Variants in ATP12A observed in about 807,000 individuals in gnomAD.
ATP12A encodes potassium-transporting ATPase alpha chain 2.
ATP12A carries 81 observed loss-of-function variants against 111.2 expected under a neutral mutation model. The observed-to-expected ratio is 0.73, with a 90% CI of 0.61 to 0.88. The LOEUF (loss-of-function observed/expected upper bound fraction) is 0.88, where lower values mean the gene tolerates loss of function less well. ATP12A is among the 40% of genes least tolerant of loss of function. The pLI is 0.00. For missense variants in ATP12A, 1,196 were observed against 1,313.1 expected (o/e 0.91, Z 1.38); for synonymous variants, 498 against 499.8 (o/e 1.00, Z 0.05).
At position 24,689,319 on chromosome 13, in the gene ATP12A, T is replaced by A; in HGVS notation, c.490T>A (p.Tyr164Asn). The A allele has an allele frequency of 6.2e-7, 1 of 1,614,098 alleles. No homozygotes were observed. Among genetic ancestry groups the A allele is most frequent in the Non-Finnish European group, 8.5e-7 (1 of 1,179,992 alleles). Residue 164 changes from tyrosine to asparagine, a missense_variant, in exon 5 of 23, where the codon TAC (tyrosine) becomes AAC (asparagine). By Grantham distance (143) the Tyr-to-Asn change is moderately radical. Transcript: ENST00000381946. ...CATTTTAACGGGGATCTTTGCTTAT[T>A]ACCAAGAGGCAAAAAGCACCAACAT... ...VVILTGIFAY[Y>N]QEAKSTNIMS...
At chr13:24,692,991 T>A in intron 10 of ATP12A, 95 bp downstream of exon 10, 1 of 1,218,012 alleles carries the variant, frequency 8.2e-7, no homozygotes, top group Non-Finnish European at 1.2e-6. Context: ...CTCCAGTTGC[T>A]TAAAGTTTGT....
At chr13:24,701,001 G>A in intron 13 of ATP12A, 79 bp downstream of exon 13, 5 of 1,505,846 alleles carry the variant, frequency 3.3e-6, no homozygotes, top group Non-Finnish European at 4.5e-6. Context: ...ATAGCAGATG[G>A]TCAGTATTTA....
intron 10 of ATP12A, 118 bp from the exon 11 acceptor site, chr13:24,694,326 A>G (rs1875038613): frequency 1.5e-6 from 2 of 1,320,848 alleles, no homozygotes; most frequent in East Asian, 4.6e-5. Flanking sequence ...TGATCACGTG[A>G]TAATGTCTCT....
Position 24,706,568 on chromosome 13 carries a change from A to G in ATP12A, c.2169+105A>G, listed in dbSNP as rs1489147470. Reference sequence around the variant, plus strand: ...AGGCTGTGGTGCCTTTGAAACTTCAAGAGAGAGTTCTTGGCTCATCCCCAT... The same window carrying G: ...AGGCTGTGGTGCCTTTGAAACTTCAGGAGAGAGTTCTTGGCTCATCCCCAT... On this transcript the variant is annotated intron_variant, in intron 15 of 22. Transcript: ENST00000381946. The G allele has an allele frequency of 4.9e-5, 72 of 1,462,846 alleles. 1 individual carries two copies. The highest frequency in any genetic ancestry group is 6.6e-5 in the Non-Finnish European group (72 of 1,096,502). 90.6% of individuals were successfully genotyped at this position (1,462,846 alleles called of 1,614,324 possible).
chr13:24,687,612 C>T (rs934684940), intron 3 of ATP12A, among the ~76,000 whole-genome samples: 15 of 152,214 alleles, frequency 9.9e-5, no homozygotes, highest in African/African-American at 1.9e-4. Flanking sequence ...GGGTGCCTCA[C>T]GGATGGCAGG....
chr13:24,695,149 A>G (rs1875085607), intron 11 of ATP12A, among the ~76,000 whole-genome samples: 2 of 152,214 alleles, frequency 1.3e-5, no homozygotes, highest in Non-Finnish European at 2.9e-5. Flanking sequence ...CCCAAGCCTG[A>G]CACCAGGTCC....
Position 24,685,665 on chromosome 13 carries a change from T to C in ATP12A, c.228+292T>C, listed in dbSNP as rs11617003. Among the ~76,000 whole-genome samples the C allele has an allele frequency of 0.094, 14,366 of 152,208 alleles. 787 individuals are homozygous for C. Among genetic ancestry groups the C allele is most frequent in the Non-Finnish European group, 0.13 (8,706 of 68,008 alleles). On this transcript the variant is annotated intron_variant, in intron 3 of 22. Transcript: ENST00000381946. The surrounding 1 kb of genome is among the most constrained non-coding windows in gnomAD (Gnocchi z 5.5). ...GAGGCAAATGTGTATGGAAGTGTCC[T>C]GAGATTCACTCTATCCCCCTGGGAT...
At chr13:24,710,400 GAAT>G in intron 19 of ATP12A, 57 bp from the exon 20 acceptor site, 1 of 1,596,120 alleles carries the variant, frequency 6.3e-7, no homozygotes, top group Non-Finnish European at 8.5e-7. Context: ...AACTGCATTG[GAAT>G]TTCCTAGAAG....
chr13:24,709,304 C>CCCCCCCCCA, intron 17 of ATP12A, 60 bp from the exon 18 acceptor site: 1 of 1,429,950 alleles, frequency 7.0e-7, no homozygotes. Context: ...GCCCCCCTCC[C>CCCCCCCCCA]CTACTGTGGG....
At chr13:24,683,523 C>G (rs1018453524) in intron 2 of ATP12A, among the ~76,000 whole-genome samples, 3 of 152,188 alleles carry the variant, frequency 2.0e-5, no homozygotes, top group Non-Finnish European at 4.4e-5. Flanking sequence ...AATCAGCAAA[C>G]TCTACAAATC....
rs921791524 is a variant in ATP12A, at chr13:24,685,443, G to A, written c.228+70G>A. On this transcript the variant is annotated intron_variant, in intron 3 of 22. Transcript: ENST00000381946. The surrounding 1 kb of genome is among the most constrained non-coding windows in gnomAD (Gnocchi z 5.5). The stretch of plus-strand genomic sequence containing the variant: ...CTACAGAGGGAAGGCTGTGTGTGGC[G>A]GGGGGCTGTGTGGAAGAGTAGCGGC... 1.2e-5 allele frequency: 18 copies of A among 1,521,528 alleles called. No individual in the cohort carries two copies. The East Asian group carries it at 2.0e-4, about 17-fold the overall frequency. The allele number at this position is 1,521,528 out of a possible 1,614,324, so 94.3% of individuals were successfully genotyped here.
At position 24,698,560 on chromosome 13, in the gene ATP12A, AT is replaced by A. The variant is rs1875262334; in HGVS notation, c.1513-96del. 4 of 1,295,416 alleles carry A rather than the reference AT, an allele frequency of 3.1e-6. No individual in the cohort carries two copies. In the South Asian group the frequency reaches 5.7e-5, roughly 18 times the overall value. 80.2% of individuals were successfully genotyped at this position (1,295,416 alleles called of 1,614,324 possible). A position where few individuals can be genotyped will look rare whatever the true frequency, so the allele number is the denominator to read the frequency against. Reference sequence around the variant, plus strand: ...AAGGGCGGAACATGCTGAGGATGCCATTGTGCCTCTTCCTCCTTTACATTTA... The same window carrying A: ...AAGGGCGGAACATGCTGAGGATGCCATGTGCCTCTTCCTCCTTTACATTTA... On this transcript the variant is annotated intron_variant, in intron 11 of 22. Transcript: ENST00000381946.
rs1282764246 is a variant in ATP12A, at chr13:24,692,817, G to C, written c.1298G>C (p.Trp433Ser). Residue 433 changes from tryptophan to serine, a missense_variant, in exon 10 of 23, where the codon TGG becomes TCG. By Grantham distance (177) the Trp-to-Ser change is radical (BLOSUM62 -3). Coordinates refer to ENST00000381946, the MANE Select transcript of ATP12A (RefSeq NM_001676.7). ...NQVFDQSSRT[W>S]ASLSKIITLC... is the part of the protein sequence containing the mutation. Reference sequence around the variant, plus strand: ...GTCTTTGACCAAAGCTCTAGGACTTGGGCCTCCTTATCCAAGATAATAACA... The same window carrying C: ...GTCTTTGACCAAAGCTCTAGGACTTCGGCCTCCTTATCCAAGATAATAACA... 4 of 1,614,178 alleles carry C rather than the reference G, an allele frequency of 2.5e-6. No homozygotes were observed.
rs772683085 is a variant in ATP12A at position 24,710,899 on chromosome 13, T to A, written c.2999+6T>A. On this transcript the variant is annotated splice_donor_region_variant and intron_variant, in intron 21 of 22. Transcript: ENST00000381946. ...TTGAGTTTCACCATGCTTAGGTGAG[T>A]TCACCCTCAACAGCATGGAGGAAAG... 78 of 1,611,230 alleles carry A rather than the reference T, an allele frequency of 4.8e-5. No homozygotes were observed. Among genetic ancestry groups the A allele is most frequent in the Non-Finnish European group, 6.0e-5 (71 of 1,177,588 alleles).
At chr13:24,700,706 T>C in intron 12 of ATP12A, 41 bp from the exon 13 acceptor site, 1 of 1,580,546 alleles carries the variant, frequency 6.3e-7, no homozygotes, top group East Asian at 2.3e-5. Flanking sequence ...TTTCGTTTCC[T>C]ATTCTAGTTT....
At chr13:24,708,933 G>GAA (rs1338722119) in intron 17 of ATP12A, among the ~76,000 whole-genome samples, 10 of 141,326 alleles carry the variant, frequency 7.1e-5, no homozygotes, top group East Asian at 2.1e-4. Context: ...AAGAAAGAAA[G>GAA]AAAGAAAGAA....
Position 24,710,397 on chromosome 13 carries a change from T to A in ATP12A, c.2764-63T>A. On this transcript the variant is annotated intron_variant, in intron 19 of 22. Transcript: ENST00000381946. ...GAACATGAAGCTTTAGAGAACTGCA[T>A]TGGAATTTCCTAGAAGTTTTCCTTT... 5 of 1,592,874 alleles carry A rather than the reference T, an allele frequency of 3.1e-6. No homozygotes were observed. In the South Asian group the frequency reaches 5.7e-5, roughly 18 times the overall value.
intron 5 of ATP12A, 112 bp downstream of exon 5, chr13:24,689,487 G>A (rs566663915): frequency 3.8e-5 from 34 of 898,042 alleles, no homozygotes; most frequent in Middle Eastern, 3.5e-4. Context: ...CTTCCCTGTC[G>A]GAGCAATCGT....
intron 13 of ATP12A, 70 bp downstream of exon 13, chr13:24,700,992 T>C (rs1395107587): frequency 3.9e-6 from 6 of 1,532,610 alleles, no homozygotes; most frequent in Non-Finnish European, 5.3e-6. Flanking sequence ...ATGGTTTTCA[T>C]AGCAGATGGT....
Sources: gnomAD v4.1 joint callset for allele counts (sites outside exome capture counted in the v4.1 genomes callset) on GRCh38, gnomAD v4.1.1 for gene constraint, Gnocchi (gnomAD v3.1) non-coding constraint, MANE v1.5 for transcripts, NCBI Gene and HGNC (gene_info 2026-07-23, HGNC 2026-07-21) for gene names.